Variants in SRM observed in about 807,000 individuals in gnomAD.
SRM encodes putrescine aminopropyltransferase.
SRM carries 14 observed loss-of-function variants against 39.3 expected under a neutral mutation model. The ratio of observed to expected loss-of-function variants is 0.36; its 90% CI spans 0.24 to 0.56. The LOEUF is 0.56. Ranked by LOEUF, SRM falls within the 20% of genes least tolerant of loss-of-function variation. SRM has a pLI of 0.86. For missense variants in SRM, 244 were observed against 409.2 expected, an observed-to-expected ratio of 0.60 and a Z score of 3.48; for synonymous variants, 195 against 173.1, an observed-to-expected ratio of 1.13 and a Z score of -0.99.
Position 11,057,137 on chromosome 1 carries a change from G to C in SRM, c.382-380C>G, listed in dbSNP as rs114724764. On this transcript the variant is annotated intron_variant, in intron 3 of 7. Transcript: ENST00000376957. ...CTCCAAAAGTGCTAGGATTACAGCTGTGAGCCACCACACCTGGCCCCTTTT... is the reference window on the plus strand; with the variant it reads ...CTCCAAAAGTGCTAGGATTACAGCTCTGAGCCACCACACCTGGCCCCTTTT... Among the ~76,000 whole-genome samples the C allele has an allele frequency of 6.1e-3, 930 of 152,192 alleles. 15 individuals are homozygous for C. Among genetic ancestry groups the C allele is most frequent in the African/African-American group, 0.022 (910 of 41,506 alleles).
chr1:11,056,466 G>C, intron 4 of SRM, 138 bp downstream of exon 4: 1 of 1,098,358 alleles, frequency 9.1e-7, no homozygotes, highest in Non-Finnish European at 1.3e-6. Context: ...CAGAGGGCAG[G>C]TAACAAATGA....
chr1:11,056,237 G>T (rs1262491649), intron 4 of SRM, 143 bp from the exon 5 acceptor site: 8 of 804,956 alleles, frequency 9.9e-6, no homozygotes, highest in African/African-American at 1.7e-5. Context: ...ATTCTTGGGG[G>T]AGTCTCATTG....
In SRM at chr1:11,056,592, T is replaced by C. The variant is rs1393766511; in HGVS notation, c.535+12A>G. 1 of 1,613,776 alleles carries C rather than the reference T, an allele frequency of 6.2e-7. No individual in the cohort carries two copies. On this transcript the variant is annotated intron_variant, in intron 4 of 7. Coordinates refer to ENST00000376957, the MANE Select transcript of SRM (RefSeq NM_003132.3). ...AGCTGCCAGAAAACCCTGGGGCCCA[T>C]CCACTGCTTACCCATGGGGTCTGAG...
chr1:11,059,569 A>T, intron 1 of SRM: 2 of 905,114 alleles, frequency 2.2e-6, no homozygotes. Flanking sequence ...TGACACGTGG[A>T]GCGGGGCGCA....
chr1:11,054,814 G>T lies in SRM; in HGVS notation c.*51C>A. ...GGGGCTGGAGGGGCCGAGGCACCCC[G>T]CAGGCTCCAAGGTCCGAGGTCCTGG... On this transcript the variant is annotated 3_prime_UTR_variant, in exon 8 of 8. Coordinates refer to ENST00000376957, the MANE Select transcript of SRM (RefSeq NM_003132.3). This position sits in a 1 kb window ranked among gnomAD's most constrained non-coding sequence, Gnocchi z 4.8. 2.6e-6 allele frequency: 4 copies of T among 1,555,864 alleles called. No individual in the cohort carries two copies. The highest frequency in any genetic ancestry group is 3.5e-6 in the Non-Finnish European group (4 of 1,149,964).
intron 3 of SRM, among the ~76,000 whole-genome samples, chr1:11,058,360 G>A (rs567208069): frequency 6.6e-6 from 1 of 151,882 alleles, no homozygotes; most frequent in South Asian, 2.1e-4. Flanking sequence ...CGCCAGGTCC[G>A]AGACCAGCCT....
At position 11,054,652 on chromosome 1, in the gene SRM, C is replaced by G; in HGVS notation, c.*213G>C. On this transcript the variant is annotated 3_prime_UTR_variant, in exon 8 of 8. Transcript: ENST00000376957. This position sits in a 1 kb window ranked among gnomAD's most constrained non-coding sequence, Gnocchi z 4.8. ...CAGAAGGCAGAGAGATGGCGCTGTA[C>G]ACAGCTGGTATAGGCTTGGAGGTGG... is the stretch of plus-strand genomic sequence containing the variant. 1.5e-6 allele frequency: 1 copy of G among 655,212 alleles called. No homozygotes were observed. Among genetic ancestry groups the G allele is most frequent in the Non-Finnish European group, 2.5e-6 (1 of 392,432 alleles). 40.6% of individuals were successfully genotyped at this position (655,212 alleles called of 1,614,324 possible).
intron 3 of SRM, among the ~76,000 whole-genome samples, chr1:11,057,006 G>A (rs1459646987): frequency 6.6e-6 from 1 of 151,728 alleles, no homozygotes. Flanking sequence ...AGCCTCCTGA[G>A]TAGCTGGGAC....
At position 11,060,010 on chromosome 1, in the gene SRM, G is replaced by C. The variant is rs1238299005; in HGVS notation, c.-67C>G. The C allele has an allele frequency of 4.7e-6, 4 of 850,660 alleles. No individual in the cohort carries two copies. Among genetic ancestry groups the C allele is most frequent in the Non-Finnish European group, 5.6e-6 (4 of 709,344 alleles). 52.7% of individuals were successfully genotyped at this position (850,660 alleles called of 1,614,324 possible). On this transcript the variant is annotated 5_prime_UTR_variant, in exon 1 of 8. Coordinates refer to ENST00000376957, the MANE Select transcript of SRM (RefSeq NM_003132.3). ...AGGCCGCGCGGCGCCGCAGCACAAC[G>C]GGACCAGCTCCGCCCGCCGCCCGCG...
intron 1 of SRM, 56 bp downstream of exon 1, chr1:11,059,721 C>T: frequency 6.6e-7 from 1 of 1,523,714 alleles, no homozygotes; most frequent in Non-Finnish European, 8.7e-7. Flanking sequence ...GTGAGGCGGG[C>T]AGCAGGCGGC....
intron 1 of SRM, 172 bp from the exon 2 acceptor site, chr1:11,059,517 T>C (rs994579403): frequency 9.3e-6 from 11 of 1,186,732 alleles, no homozygotes; most frequent in Non-Finnish European, 1.3e-5. Context: ...GAGGCCGGGG[T>C]GGGACCCGGG....
intron 4 of SRM, among the ~76,000 whole-genome samples, chr1:11,056,379 A>G (rs1250390563): frequency 6.6e-6 from 1 of 152,110 alleles, no homozygotes; most frequent in African/African-American, 2.4e-5. Flanking sequence ...CCAATGCCAG[A>G]TCCCCACTCT....
rs1340260865 is a variant in SRM, at chr1:11,054,824, AGGTCCGAGGTCCTG to A, written c.*27_*40del. On this transcript the variant is annotated 3_prime_UTR_variant, in exon 8 of 8. Transcript: ENST00000376957. The surrounding 1 kb of genome is among the most constrained non-coding windows in gnomAD (Gnocchi z 4.8). Reference sequence around the variant, plus strand: ...GGGCCGAGGCACCCCGCAGGCTCCAAGGTCCGAGGTCCTGGGTGGCATCAGTGGTGGCGCCTGGG... The same window carrying A: ...GGGCCGAGGCACCCCGCAGGCTCCAAGGTGGCATCAGTGGTGGCGCCTGGG... 1 of 1,567,028 alleles carries A rather than the reference AGGTCCGAGGTCCTG, an allele frequency of 6.4e-7. No individual in the cohort carries two copies. The highest frequency in any genetic ancestry group is 1.4e-5 in the African/African-American group (1 of 73,738).
chr1:11,056,501 C>T (rs1240132669), intron 4 of SRM, 103 bp downstream of exon 4: 18 of 1,394,660 alleles, frequency 1.3e-5, no homozygotes, highest in Middle Eastern at 2.6e-4. Context: ...AGCTCTAGTT[C>T]GGGGGGTGGG....
intron 4 of SRM, 58 bp from the exon 5 acceptor site, chr1:11,056,152 G>T: frequency 6.8e-7 from 1 of 1,474,426 alleles, no homozygotes; most frequent in Non-Finnish European, 9.2e-7. Flanking sequence ...CAGGGCCACT[G>T]TCACCCACAC....
intron 4 of SRM, 94 bp from the exon 5 acceptor site, chr1:11,056,188 T>G (rs1056486323): frequency 4.9e-5 from 60 of 1,216,450 alleles, no homozygotes; most frequent in Non-Finnish European, 6.6e-5. Flanking sequence ...AGAGCCAGGA[T>G]CTGAACCCAG....
At chr1:11,056,550 C>T (rs896652130) in intron 4 of SRM, 54 bp downstream of exon 4, 12 of 1,605,168 alleles carry the variant, frequency 7.5e-6, no homozygotes, top group African/African-American at 1.3e-5. Flanking sequence ...CTGGGGGAGG[C>T]TGACCTCCAG....
Position 11,057,925 on chromosome 1 carries a change from T to G in SRM, c.381+875A>C, listed in dbSNP as rs566568869. Among the ~76,000 whole-genome samples the G allele has an allele frequency of 1.9e-4, 29 of 152,218 alleles. No individual in the cohort carries two copies. In the South Asian group the frequency reaches 5.0e-3, roughly 26 times the overall value. On this transcript the variant is annotated intron_variant, in intron 3 of 7. Coordinates refer to ENST00000376957, the MANE Select transcript of SRM (RefSeq NM_003132.3). ...TCCCTAGTAGCTGGGTTTACAGACATGCACTACCATGCCCGGCTAATTTTT... is the reference window on the plus strand; with the variant it reads ...TCCCTAGTAGCTGGGTTTACAGACAGGCACTACCATGCCCGGCTAATTTTT...
In SRM at chr1:11,055,942, C is replaced by G. The variant is rs962908533; in HGVS notation, c.620-16G>C. 1.0e-5 allele frequency: 16 copies of G among 1,592,226 alleles called. No individual in the cohort carries two copies. The highest frequency in any genetic ancestry group is 1.2e-5 in the Non-Finnish European group (14 of 1,166,998). ...TGGCACTCGCCTGGGGGCCCCTAAG[C>G]ATCAGCATCCGGCAGGGCCTGCCCT... On this transcript the variant is annotated splice_polypyrimidine_tract_variant and intron_variant, in intron 5 of 7. Coordinates refer to ENST00000376957, the MANE Select transcript of SRM (RefSeq NM_003132.3).
Sources: gnomAD v4.1 joint callset for allele counts (sites outside exome capture counted in the v4.1 genomes callset) on GRCh38, gnomAD v4.1.1 for gene constraint, Gnocchi (gnomAD v3.1) non-coding constraint, MANE v1.5 for transcripts, NCBI Gene and HGNC (gene_info 2026-07-23, HGNC 2026-07-21) for gene names.